CD86: variants seen among roughly 807,000 people sequenced by gnomAD.
CD86 encodes the protein T-lymphocyte activation antigen CD86.
In CD86, 11 loss-of-function variants were observed where a neutral mutation model predicts 32.1. The ratio of observed to expected loss-of-function variants is 0.34; its 90% CI spans 0.22 to 0.57. CD86 has a LOEUF of 0.57. CD86 is among the 20% of genes least tolerant of loss of function. The pLI is 0.86. For missense variants in CD86, 359 were observed against 398.4 expected, an observed-to-expected ratio of 0.90 and a Z score of 0.84; for synonymous variants, 137 against 135.3, an observed-to-expected ratio of 1.01 and a Z score of -0.09.
chr3:122,086,848 T>A (rs1007738655), intron 1 of CD86, among the ~76,000 whole-genome samples: 3 of 152,148 alleles, frequency 2.0e-5, no homozygotes, highest in African/African-American at 7.2e-5. Flanking sequence ...CTAGATAACA[T>A]CAGAGTCCTT....
chr3:122,113,194 A>G (rs896228289), intron 5 of CD86, among the ~76,000 whole-genome samples: 1 of 152,138 alleles, frequency 6.6e-6, no homozygotes, highest in African/African-American at 2.4e-5. Context: ...GTTTCTTTTT[A>G]TGGCTGAGTA....
chr3:122,114,346 C>T (rs977886039), intron 5 of CD86, among the ~76,000 whole-genome samples: 12 of 152,198 alleles, frequency 7.9e-5, no homozygotes, highest in Middle Eastern at 3.4e-3. Flanking sequence ...GGATTAACTG[C>T]TATAGGAATT....
chr3:122,117,949 TTCTC>T, intron 5 of CD86, 95 bp from the exon 6 acceptor site: 1 of 941,532 alleles, frequency 1.1e-6, no homozygotes, highest in Admixed American at 2.0e-5. Context: ...TCACAACAAT[TTCTC>T]TCTCAGTCCC....
rs370380261 is a variant in CD86, at chr3:122,119,479, G to A, written c.935G>A (p.Arg312His). The change falls in exon 7 of 7, where the codon CGT (arginine) becomes CAT (histidine). Residue 312 changes from arginine (R) to histidine (H), a missense_variant. Coordinates refer to ENST00000330540, the MANE Select transcript of CD86 (RefSeq NM_175862.5). The stretch of plus-strand genomic sequence containing the variant: ...CCTGAAAGATCTGATGAAGCCCAGC[G>A]TGTTTTTAAAAGTTCGAAGACATCT... ...HIPERSDEAQ[R>H]VFKSSKTSSC... 2.1e-5 allele frequency: 34 copies of A among 1,611,724 alleles called. No homozygotes were observed. Among genetic ancestry groups the A allele is most frequent in the African/African-American group, 1.2e-4 (9 of 74,870 alleles).
chr3:122,085,750 T>A (rs1027661992), intron 1 of CD86, among the ~76,000 whole-genome samples: 1 of 151,858 alleles, frequency 6.6e-6, no homozygotes, highest in Non-Finnish European at 1.5e-5. Context: ...CAGGTCCTGG[T>A]GCTCTGAGAA....
At chr3:122,101,513 A>AAAAATAT (rs1202377219) in intron 2 of CD86, among the ~76,000 whole-genome samples, 25 of 46,322 alleles carry the variant, frequency 5.4e-4, no homozygotes, top group Non-Finnish European at 8.2e-4. Context: ...AAAAAAAAAA[A>AAAAATAT]ATATATATAT....
chr3:122,104,411 C>G (rs754884408), intron 3 of CD86, among the ~76,000 whole-genome samples: 4 of 152,196 alleles, frequency 2.6e-5, no homozygotes, highest in Non-Finnish European at 2.9e-5. Flanking sequence ...TACAAACCAG[C>G]TCCTCTGCTT....
chr3:122,110,208 C>T (rs899293697), intron 5 of CD86, among the ~76,000 whole-genome samples: 23 of 152,098 alleles, frequency 1.5e-4, no homozygotes, highest in Admixed American at 1.1e-3. Context: ...TGTGGATACA[C>T]CATAATTTAT....
rs530970590 is a variant in CD86, at chr3:122,062,719, T to C, written c.14+7216T>C. On this transcript the variant is annotated intron_variant, in intron 1 of 6. Transcript: ENST00000330540. ...TAGTGGTATCACTTTGGGAAGCCTA[T>C]TAGCTTCCTGAACTTCAGTGTCCTC... Among the ~76,000 whole-genome samples the C allele has an allele frequency of 4.6e-5, 7 of 152,294 alleles. No individual in the cohort carries two copies. In the East Asian group the frequency reaches 1.3e-3, roughly 29 times the overall value.
chr3:122,116,462 T>TGTGCAGTGGTATCTCATTATTATGTGC, intron 5 of CD86, among the ~76,000 whole-genome samples: 1 of 152,142 alleles, frequency 6.6e-6, no homozygotes, highest in African/African-American at 2.4e-5. Context: ...CTAGAATGGC[T>TGTGCAGTGGTATCTCATTATTATGTGC]AAAATTAAAA....
chr3:122,057,673 T>C (rs2072258531), intron 1 of CD86, among the ~76,000 whole-genome samples: 1 of 152,224 alleles, frequency 6.6e-6, no homozygotes, highest in Non-Finnish European at 1.5e-5. Flanking sequence ...TGTGTGATAA[T>C]TTATAAGTTG....
chr3:122,056,583 C>T (rs1385481773), intron 1 of CD86, among the ~76,000 whole-genome samples: 1 of 152,154 alleles, frequency 6.6e-6, no homozygotes, highest in Admixed American at 6.5e-5. Flanking sequence ...CTGGCCACCT[C>T]GGCCTCCCAA....
intron 1 of CD86, among the ~76,000 whole-genome samples, chr3:122,065,677 C>T (rs939981976): frequency 3.3e-5 from 5 of 152,082 alleles, no homozygotes; most frequent in South Asian, 2.1e-4. Context: ...GAAAGTGAGG[C>T]CCTAACAAGG....
At position 122,092,645 on chromosome 3, in the gene CD86, G is replaced by A. The variant is rs368965977; in HGVS notation, c.64+995G>A. On this transcript the variant is annotated intron_variant, in intron 2 of 6. Coordinates refer to ENST00000330540, the MANE Select transcript of CD86 (RefSeq NM_175862.5). ...CATGTATCCTGTGACTCAGTGTCTCGTAGTTACTCCTGGCCCACCCCTTCC... is the reference window on the plus strand; with the variant it reads ...CATGTATCCTGTGACTCAGTGTCTCATAGTTACTCCTGGCCCACCCCTTCC... Among the ~76,000 whole-genome samples, 99 of 152,222 alleles carry A rather than the reference G, an allele frequency of 6.5e-4. 1 individual carries two copies. In the South Asian group the frequency reaches 0.017, roughly 27 times the overall value.
At chr3:122,075,934 C>G (rs1446710563) in intron 1 of CD86, among the ~76,000 whole-genome samples, 1 of 152,156 alleles carries the variant, frequency 6.6e-6, no homozygotes, top group Non-Finnish European at 1.5e-5. Context: ...ATTTAACCGT[C>G]ATGACATGCC....
chr3:122,061,157 A>G (rs963960848), intron 1 of CD86, among the ~76,000 whole-genome samples: 1 of 152,240 alleles, frequency 6.6e-6, no homozygotes, highest in African/African-American at 2.4e-5. Context: ...AATACACGCC[A>G]GAAAATGGTA....
In CD86 at chr3:122,114,203, A is replaced by C. The variant is rs1330788480; in HGVS notation, c.848-3845A>C. On this transcript the variant is annotated intron_variant, in intron 5 of 6. Coordinates refer to ENST00000330540, the MANE Select transcript of CD86 (RefSeq NM_175862.5). ...GAGGCAGAGGTTGCAGTGAGCCAAG[A>C]TCACACCACTGCACTCCAGCCTGGG... Among the ~76,000 whole-genome samples, 8 of 152,212 alleles carry C rather than the reference A, an allele frequency of 5.3e-5. No homozygotes were observed. In the East Asian group the frequency reaches 1.5e-3, roughly 29 times the overall value.
chr3:122,078,529 T>C (rs924237056), intron 1 of CD86, among the ~76,000 whole-genome samples: 3 of 152,114 alleles, frequency 2.0e-5, no homozygotes, highest in Admixed American at 1.3e-4. Flanking sequence ...CCTTCTCTGG[T>C]CCAGAGACCC....
chr3:122,091,859 C>G, intron 2 of CD86: 1 of 559,988 alleles, frequency 1.8e-6, no homozygotes, highest in Non-Finnish European at 3.2e-6. Context: ...TGGAGCTCTC[C>G]CCCCCGTGTG....
Sources: gnomAD v4.1 joint callset for allele counts (sites outside exome capture counted in the v4.1 genomes callset) on GRCh38, gnomAD v4.1.1 for gene constraint, MANE v1.5 for transcripts, NCBI Gene and HGNC (gene_info 2026-07-23, HGNC 2026-07-21) for gene names.